Variants in DUS2 observed in about 807,000 individuals in gnomAD.
DUS2 encodes the protein dihydrouridine synthase 2.
A neutral mutation model predicts 71.3 loss-of-function variants in DUS2; 52 were observed. That is an observed-to-expected ratio of 0.73 (90% confidence interval 0.58 to 0.92). The LOEUF (loss-of-function observed/expected upper bound fraction) is 0.92, where lower values mean the gene tolerates loss of function less well. Ranked by LOEUF, DUS2 falls within the 40% of genes least tolerant of loss-of-function variation. DUS2 has a pLI of 0.00. For synonymous variants in DUS2, 204 were observed against 227.8 expected (o/e 0.90, Z 0.94); for missense variants, 558 against 622.6 (o/e 0.90, Z 1.10).
intron 4 of DUS2, among the ~76,000 whole-genome samples, chr16:68,052,680 T>G (rs924711688): frequency 6.6e-6 from 1 of 151,896 alleles, no homozygotes; most frequent in Non-Finnish European, 1.5e-5. Flanking sequence ...CCTCCCTCTG[T>G]TGCCCAGGCT....
At position 68,074,105 on chromosome 16, in the gene DUS2, G is replaced by A. The variant is rs1358811702; in HGVS notation, c.882G>A (p.Glu294=). 1.2e-6 allele frequency: 2 copies of A among 1,614,084 alleles called. No individual in the cohort carries two copies. Among genetic ancestry groups the A allele is most frequent in the Non-Finnish European group, 1.7e-6 (2 of 1,180,026 alleles). ...CLCQMLREQL[E]SPQGRLLHAA... ...GCCAGATGCTACGAGAACAGCTGGA[G>A]TCGCCCCAGGGAAGGTTGCTCCATG... The change falls in exon 13 of 17, where the codon GAG becomes GAA. Residue 294 remains glutamate (E), a synonymous_variant. Coordinates refer to ENST00000565263, the MANE Select transcript of DUS2 (RefSeq NM_017803.5).
At chr16:68,040,140 A>G (rs150156831) in intron 3 of DUS2, among the ~76,000 whole-genome samples, 87 of 150,536 alleles carry the variant, frequency 5.8e-4, no homozygotes, top group African/African-American at 1.9e-3. Flanking sequence ...GCTGGAGTGC[A>G]GTGGCACAGT....
At chr16:68,035,559 A>AT (rs962182284) in intron 2 of DUS2, among the ~76,000 whole-genome samples, 72 of 144,652 alleles carry the variant, frequency 5.0e-4, no homozygotes, top group Middle Eastern at 3.5e-3. Context: ...ATTAAATAAA[A>AT]TTTTTTTTTT....
At chr16:68,041,097 G>T (rs2033619318) in intron 3 of DUS2, among the ~76,000 whole-genome samples, 2 of 152,138 alleles carry the variant, frequency 1.3e-5, no homozygotes, top group Admixed American at 1.3e-4. Flanking sequence ...TGTACGCGGT[G>T]GTGCACACCT....
intron 4 of DUS2, among the ~76,000 whole-genome samples, chr16:68,051,644 G>T (rs1423636576): frequency 2.0e-5 from 3 of 152,088 alleles, no homozygotes; most frequent in Non-Finnish European, 2.9e-5. Flanking sequence ...CCCTGCCTCA[G>T]CCTCCCAAAA....
intron 2 of DUS2, among the ~76,000 whole-genome samples, chr16:68,035,390 CCTTTTTTTTTTTT>C (rs1408588604): frequency 1.4e-5 from 2 of 147,706 alleles, no homozygotes; most frequent in African/African-American, 4.9e-5. Context: ...TCTGTGTTTT[CCTTTTTTTTTTTT>C]CTTTTTCCTT....
rs564314654 is a variant in DUS2 at position 68,040,725 on chromosome 16, C to T, written c.126+2576C>T. ...GTGTAGGTGGCTGGGACTGGGCCCC[C>T]GGGCATGGCTGAGTGTGGTGTCAGC... On this transcript the variant is annotated intron_variant, in intron 3 of 16. Transcript: ENST00000565263. Among the ~76,000 whole-genome samples, 38 of 151,460 alleles carry T rather than the reference C, an allele frequency of 2.5e-4. 1 individual carries two copies. In the South Asian group the frequency reaches 5.6e-3, roughly 22 times the overall value.
chr16:68,053,666 C>T lies in DUS2; in HGVS notation c.264+11C>T. On this transcript the variant is annotated intron_variant, in intron 5 of 16. Transcript: ENST00000565263. ...GTGGTCTTCCAGATGGTGAGAGACT[C>T]CATTGCTGCATGCCCTCCTGAGGCT... 1 of 1,613,998 alleles carries T rather than the reference C, an allele frequency of 6.2e-7. No homozygotes were observed. The highest frequency in any genetic ancestry group is 1.7e-4 in the Middle Eastern group (1 of 6,060).
intron 12 of DUS2, among the ~76,000 whole-genome samples, chr16:68,072,154 G>T (rs6499158): frequency 2.6e-5 from 4 of 152,234 alleles, no homozygotes; most frequent in African/African-American, 9.6e-5. Flanking sequence ...GCCATGGTAT[G>T]TGAGTGTTTC....
intron 3 of DUS2, among the ~76,000 whole-genome samples, chr16:68,044,874 C>T (rs2033679196): frequency 6.6e-6 from 1 of 152,182 alleles, no homozygotes; most frequent in Non-Finnish European, 1.5e-5. Flanking sequence ...CTCACTGCAA[C>T]CTCTGCCTCC....
rs774866204 is a variant in DUS2 at position 68,074,018 on chromosome 16, T to A, written c.811-16T>A. On this transcript the variant is annotated splice_polypyrimidine_tract_variant and intron_variant, in intron 12 of 16. Coordinates refer to ENST00000565263, the MANE Select transcript of DUS2 (RefSeq NM_017803.5). ...AGAGCCTGCCTGGGCATCAGGCAAGTCATTTCTTTTCTCAGGCGGTGCAGT... is the reference window on the plus strand; with the variant it reads ...AGAGCCTGCCTGGGCATCAGGCAAGACATTTCTTTTCTCAGGCGGTGCAGT... 2.5e-6 allele frequency: 4 copies of A among 1,613,648 alleles called. No homozygotes were observed. The South Asian group carries it at 4.4e-5, about 18-fold the overall frequency.
intron 8 of DUS2, among the ~76,000 whole-genome samples, chr16:68,061,589 C>T (rs2033941350): frequency 6.6e-6 from 1 of 152,168 alleles, no homozygotes; most frequent in South Asian, 2.1e-4. Context: ...GAAGCCCGGG[C>T]CAGGGTCAGA....
chr16:68,049,536 A>G lies in DUS2; in HGVS notation c.158A>G (p.Lys53Arg), dbSNP rs2033749828. 6.2e-7 allele frequency: 1 copy of G among 1,612,706 alleles called. No homozygotes were observed. Among genetic ancestry groups the G allele is most frequent in the South Asian group, 1.1e-5 (1 of 91,080 alleles). The change falls in exon 4 of 17, where the codon AAG (lysine) becomes AGG (arginine). Residue 53 changes from lysine to arginine, a missense_variant. Transcript: ENST00000565263. ...ATCGACCTCAAGATGATTCAGTGCA[A>G]GAGAGTTGTTAATGGTGAGTACAGA... is the stretch of plus-strand genomic sequence containing the variant. ...ELIDLKMIQC[K>R]RVVNEVLSTV...
chr16:68,032,841 G>A (rs1490762725), intron 2 of DUS2, among the ~76,000 whole-genome samples: 9 of 146,844 alleles, frequency 6.1e-5, no homozygotes, highest in African/African-American at 2.2e-4. Context: ...CCTGGGAGGT[G>A]GAGGTTGCAG....
At chr16:68,075,240 G>A (rs1054701432) in intron 13 of DUS2, 115 bp from the exon 14 acceptor site, 22 of 987,672 alleles carry the variant, frequency 2.2e-5, no homozygotes, top group Non-Finnish European at 9.9e-6. Context: ...GGCCCCGGTG[G>A]TGTTTTGGTG....
intron 7 of DUS2, among the ~76,000 whole-genome samples, chr16:68,057,565 T>G (rs1164772164): frequency 1.3e-5 from 2 of 151,604 alleles, no homozygotes; most frequent in Non-Finnish European, 2.9e-5. Context: ...AAACCCTGTC[T>G]CTATAAAAAT....
At chr16:68,070,749 A>T (rs1381265344) in intron 11 of DUS2, among the ~76,000 whole-genome samples, 191 bp from the exon 12 acceptor site, 1 of 152,234 alleles carries the variant, frequency 6.6e-6, no homozygotes, top group Non-Finnish European at 1.5e-5. Context: ...TACATGTATT[A>T]TCTCAGTTAG....
chr16:68,026,198 C>T (rs530468849), intron 2 of DUS2, among the ~76,000 whole-genome samples: 3 of 152,206 alleles, frequency 2.0e-5, no homozygotes, highest in African/African-American at 4.8e-5. Flanking sequence ...GCCATTTTGA[C>T]CAGGCTGATC....
At chr16:68,066,723 C>A in intron 10 of DUS2, 87 bp downstream of exon 10, 2 of 1,335,414 alleles carry the variant, frequency 1.5e-6, no homozygotes, top group Non-Finnish European at 2.1e-6. Context: ...CCCCAAGTGA[C>A]AGCCAATTTC....
Sources: allele counts gnomAD v4.1 joint callset (sites outside exome capture counted in the v4.1 genomes callset), GRCh38; gene constraint gnomAD v4.1.1; transcripts MANE v1.5; gene names NCBI Gene and HGNC (gene_info 2026-07-23, HGNC 2026-07-21).